The following AKAP9 variants were observed in gnomAD, a reference collection of about 807,000 sequenced individuals.
AKAP9 encodes the protein A-kinase anchor protein 9.
AKAP9 carries 311 observed loss-of-function variants against 488.5 expected under a neutral mutation model. That is an observed-to-expected ratio of 0.64 (90% confidence interval 0.58 to 0.70). The LOEUF (loss-of-function observed/expected upper bound fraction) is 0.70, where lower values mean the gene tolerates loss of function less well. AKAP9 is among the 30% of genes least tolerant of loss of function. AKAP9 has a pLI of 0.00. For synonymous variants in AKAP9, 1,462 were observed against 1,483.5 expected (o/e 0.99, Z 0.33); for missense variants, 4,215 against 4,374.5 (o/e 0.96, Z 1.03).
chr7:91,944,506 C>T (rs905470834), intron 1 of AKAP9, among the ~76,000 whole-genome samples: 4 of 152,020 alleles, frequency 2.6e-5, no homozygotes, highest in Admixed American at 1.3e-4. Flanking sequence ...CCTGCCTCAG[C>T]CTCCCAAGTA....
intron 8 of AKAP9, among the ~76,000 whole-genome samples, chr7:92,009,993 A>G (rs112442844): frequency 6.6e-6 from 1 of 152,076 alleles, no homozygotes; most frequent in African/African-American, 2.4e-5. Context: ...GATCCTCCCA[A>G]TTCAGCCTCC....
At chr7:92,048,218 A>G (rs78746541) in intron 21 of AKAP9, among the ~76,000 whole-genome samples, 3 of 152,316 alleles carry the variant, frequency 2.0e-5, no homozygotes, top group Non-Finnish European at 2.9e-5. Flanking sequence ...ATTGCGAAGC[A>G]ACTTTTGCTT....
chr7:92,001,996 T>C lies in AKAP9; in HGVS notation c.2079T>C (p.Asn693=). 6.2e-7 allele frequency: 1 copy of C among 1,611,922 alleles called. No individual in the cohort carries two copies. The highest frequency in any genetic ancestry group is 1.1e-5 in the South Asian group (1 of 90,338). ...FEKDNLITKQ[N]QLILEISKLK... ...AGGACAATTTGATAACTAAGCAGAA[T>C]CAATTAATTTTGGAAATTTCAAAGC... is the stretch of plus-strand genomic sequence containing the variant. The change falls in exon 8 of 50, where the codon AAT becomes AAC. Residue 693 remains asparagine, a synonymous_variant. Transcript: ENST00000356239.
rs77413385 is a variant in AKAP9, at chr7:92,049,414, G to A, written c.5369-3312G>A. On this transcript the variant is annotated intron_variant, in intron 21 of 49. Transcript: ENST00000356239. The stretch of plus-strand genomic sequence containing the variant: ...ATCACACGGTCAGGAGATCGAGACC[G>A]TCCTGGCTAACATGGTGAAACCCCA... Among the ~76,000 whole-genome samples, 44 of 151,962 alleles carry A rather than the reference G, an allele frequency of 2.9e-4. No individual in the cohort carries two copies. In the East Asian group the frequency reaches 7.0e-3, roughly 24 times the overall value.
intron 28 of AKAP9, among the ~76,000 whole-genome samples, chr7:92,074,361 A>C (rs1212427607): frequency 6.6e-6 from 1 of 152,192 alleles, no homozygotes; most frequent in Non-Finnish European, 1.5e-5. Context: ...AAGAGGAAAC[A>C]ACAGATGCTG....
In AKAP9 at chr7:92,083,438, G is replaced by T. The variant is rs754867915; in HGVS notation, c.8429G>T (p.Ser2810Ile). 6.2e-7 allele frequency: 1 copy of T among 1,613,894 alleles called. No individual in the cohort carries two copies. The highest frequency in any genetic ancestry group is 8.5e-7 in the Non-Finnish European group (1 of 1,179,964). The change falls in exon 33 of 50, where the codon AGT (serine) becomes ATT (isoleucine). Residue 2810 changes from serine (S) to isoleucine (I), a missense_variant. This residue lies in a region of AKAP9 where 1,476 missense variants were observed against 1,477.4 expected (regional missense o/e 1.00). Coordinates refer to ENST00000356239, the MANE Select transcript of AKAP9 (RefSeq NM_005751.5). ...GCAGGAATACAAATTAATTTACAGA[G>T]TGAATGTTCCTCAGAAGAAGTTACT... ...KNAGIQINLQSECSSEEVTEI... is the reference protein window; with the variant it reads ...KNAGIQINLQIECSSEEVTEI...
At chr7:92,091,339 G>C (rs892407150) in intron 38 of AKAP9, among the ~76,000 whole-genome samples, 10 of 152,050 alleles carry the variant, frequency 6.6e-5, no homozygotes, top group Admixed American at 2.0e-4. Flanking sequence ...TGTAATCCCA[G>C]CACTTTGGGA....
chr7:92,045,001 T>G lies in AKAP9; in HGVS notation c.5163-7T>G, dbSNP rs749651781. 1.1e-5 allele frequency: 18 copies of G among 1,598,046 alleles called. No homozygotes were observed. Among genetic ancestry groups the G allele is most frequent in the South Asian group, 5.5e-5 (5 of 90,728 alleles). On this transcript the variant is annotated splice_polypyrimidine_tract_variant and splice_region_variant and intron_variant, in intron 20 of 49. Transcript: ENST00000356239. ...ACATTTTAATCAGTGCTTCTTTATC[T>G]ATACAGGTATGCACTCCAGAAAGCT...
At chr7:92,087,055 A>C (rs193284073) in intron 37 of AKAP9, among the ~76,000 whole-genome samples, 67 of 152,360 alleles carry the variant, frequency 4.4e-4, no homozygotes, top group Admixed American at 2.2e-3. Context: ...AAAGTCACTA[A>C]GTACTCTGTA....
At chr7:92,040,979 C>G in intron 18 of AKAP9, 81 bp downstream of exon 18, 1 of 1,156,930 alleles carries the variant, frequency 8.6e-7, no homozygotes, top group Non-Finnish European at 1.2e-6. Context: ...CCAATTAAAA[C>G]AACAGTATTT....
At chr7:92,085,273 A>G (rs1406473652) in intron 35 of AKAP9, among the ~76,000 whole-genome samples, 1 of 152,214 alleles carries the variant, frequency 6.6e-6, no homozygotes, top group Non-Finnish European at 1.5e-5. Flanking sequence ...GGAAGAGTAC[A>G]TTAGCCAAAC....
chr7:91,992,780 G>T, intron 4 of AKAP9, 105 bp from the exon 5 acceptor site: 1 of 1,047,312 alleles, frequency 9.5e-7, no homozygotes, highest in Non-Finnish European at 1.4e-6. Flanking sequence ...TCCAGGTGGT[G>T]AGTGATGTTT....
chr7:92,001,992 A>G lies in AKAP9; in HGVS notation c.2075A>G (p.Gln692Arg). The G allele has an allele frequency of 6.2e-7, 1 of 1,612,230 alleles. No homozygotes were observed. The highest frequency in any genetic ancestry group is 8.5e-7 in the Non-Finnish European group (1 of 1,179,462). ...GAAAAGGACAATTTGATAACTAAGC[A>G]GAATCAATTAATTTTGGAAATTTCA... ...QFEKDNLITK[Q>R]NQLILEISKL... Residue 692 changes from glutamine (Q) to arginine (R), a missense_variant, in exon 8 of 50, where the codon CAG (glutamine) becomes CGG (arginine). Gln to Arg is a conservative substitution (Grantham distance 43). Transcript: ENST00000356239.
intron 3 of AKAP9, among the ~76,000 whole-genome samples, chr7:91,989,139 TTAA>T (rs200128597): frequency 1.6e-5 from 2 of 125,552 alleles, no homozygotes; most frequent in African/African-American, 6.2e-5. Context: ...GATGATTCCC[TTAA>T]TAAATTGTTC....
intron 16 of AKAP9, among the ~76,000 whole-genome samples, chr7:92,035,239 G>C (rs1415174112): frequency 2.0e-5 from 3 of 152,280 alleles, no homozygotes; most frequent in Non-Finnish European, 2.9e-5. Flanking sequence ...GAAATGTACT[G>C]ATTTCCACAT....
In AKAP9 at chr7:92,085,492, C is replaced by T. The variant is rs746505983; in HGVS notation, c.8833-3C>T. The T allele has an allele frequency of 4.3e-6, 7 of 1,613,786 alleles. No individual in the cohort carries two copies. The African/African-American group carries it at 9.3e-5, about 22-fold the overall frequency. ...ATTCTGGCTCTTGGGTTTTGGTTTC[C>T]AGGGATTACTGAGAGCTGTCCATAA... On this transcript the variant is annotated splice_polypyrimidine_tract_variant and splice_region_variant and intron_variant, in intron 35 of 49. Transcript: ENST00000356239.
intron 8 of AKAP9, among the ~76,000 whole-genome samples, chr7:92,009,234 A>C (rs952496876): frequency 6.6e-6 from 1 of 152,194 alleles, no homozygotes; most frequent in Non-Finnish European, 1.5e-5. Context: ...TGACAGAGTG[A>C]GACCCTGTCT....
At position 92,095,017 on chromosome 7, in the gene AKAP9, A is replaced by T. The variant is rs747906453; in HGVS notation, c.9579-6A>T. The T allele has an allele frequency of 5.6e-6, 9 of 1,613,386 alleles. No homozygotes were observed. The highest frequency in any genetic ancestry group is 7.6e-6 in the Non-Finnish European group (9 of 1,179,514). On this transcript the variant is annotated splice_region_variant and splice_polypyrimidine_tract_variant and intron_variant, in intron 39 of 49. Transcript: ENST00000356239. ...TTATGGAAATTCATTTGTCTTTCTGACTTAGGTTGGAAGTTAAAGATAAGA... is the reference window on the plus strand; with the variant it reads ...TTATGGAAATTCATTTGTCTTTCTGTCTTAGGTTGGAAGTTAAAGATAAGA...
chr7:91,971,961 AGTC>A, intron 1 of AKAP9, among the ~76,000 whole-genome samples: 1 of 114,994 alleles, frequency 8.7e-6, no homozygotes, highest in Non-Finnish European at 1.8e-5. Flanking sequence ...TTGCTCATAG[AGTC>A]TTTTATGTTT....
Sources: gnomAD v4.1 joint callset for allele counts (sites outside exome capture counted in the v4.1 genomes callset) on GRCh38, gnomAD v4.1.1 for gene constraint, gnomAD v4.1.1 regional missense constraint, MANE v1.5 for transcripts, NCBI Gene and HGNC (gene_info 2026-07-23, HGNC 2026-07-21) for gene names.